Variants in CD38 observed in about 807,000 individuals in gnomAD.
The protein encoded by CD38 is CD38 molecule, also known as ADP-ribosyl cyclase/cyclic ADP-ribose hydrolase 1.
CD38 carries 31 observed loss-of-function variants against 36.3 expected under a neutral mutation model. That is an observed-to-expected ratio of 0.85 (90% CI 0.64 to 1.15). CD38 has a LOEUF of 1.15. Ranked by LOEUF, CD38 falls within the 50% of genes most tolerant of loss-of-function variation. The probability of loss-of-function intolerance (pLI) is 0.00; values close to 1 mark genes in which losing one functional copy is unlikely to be tolerated. For synonymous variants in CD38, 131 were observed against 135.2 expected (o/e 0.97, Z 0.22); for missense variants, 380 against 371.9 (o/e 1.02, Z -0.18).
At chr4:15,841,567 C>T (rs1223988075) in intron 7 of CD38, among the ~76,000 whole-genome samples, 1 of 151,820 alleles carries the variant, frequency 6.6e-6, no homozygotes, top group Admixed American at 6.6e-5. Context: ...CCAAGATGGC[C>T]GAATAGGAAC....
rs945265774 is a variant in CD38, at chr4:15,848,541, C to T, written c.842C>T (p.Pro281Leu). The T allele has an allele frequency of 3.1e-6, 5 of 1,611,374 alleles. No individual in the cohort carries two copies. The highest frequency in any genetic ancestry group is 3.4e-6 in the Non-Finnish European group (4 of 1,177,660). ...CCTTTTTTGCTTTCTTGTCATAGACCTGACAAGTTTCTTCAGTGTGTGAAA... is the reference window on the plus strand; with the variant it reads ...CCTTTTTTGCTTTCTTGTCATAGACTTGACAAGTTTCTTCAGTGTGTGAAA... ...IQFSCKNIYR[P>L]DKFLQCVKNP... Residue 281 changes from proline (P) to leucine (L), a missense_variant and splice_region_variant, in exon 8 of 8, where the codon CCT (proline) becomes CTT (leucine). By Grantham distance (98) the Pro-to-Leu change is moderately conservative (BLOSUM62 -3). Coordinates refer to ENST00000226279, the MANE Select transcript of CD38 (RefSeq NM_001775.4).
intron 3 of CD38, among the ~76,000 whole-genome samples, chr4:15,831,710 T>G (rs1289626926): frequency 1.3e-5 from 2 of 152,038 alleles, no homozygotes; most frequent in Non-Finnish European, 1.5e-5. Flanking sequence ...GCTTTTAGGA[T>G]CCTTTCTTTA....
chr4:15,828,824 G>T (rs1476640575), intron 3 of CD38, among the ~76,000 whole-genome samples: 4 of 152,116 alleles, frequency 2.6e-5, no homozygotes, highest in Non-Finnish European at 4.4e-5. Context: ...AATCTTTTGG[G>T]TAAATACCTA....
rs1277734983 is a variant in CD38, at chr4:15,802,047, C to A, written c.234-14464C>A. 9.2e-5 allele frequency among the ~76,000 whole-genome samples: 14 copies of A among 152,204 alleles called. No homozygotes were observed. The East Asian group carries it at 2.7e-3, about 29-fold the overall frequency. ...GACATCCTCTTACCTACAGAAAAATCTAAAGACTCCACCAAAAAACTCTTA... is the reference window on the plus strand; with the variant it reads ...GACATCCTCTTACCTACAGAAAAATATAAAGACTCCACCAAAAAACTCTTA... On this transcript the variant is annotated intron_variant, in intron 1 of 7. Coordinates refer to ENST00000226279, the MANE Select transcript of CD38 (RefSeq NM_001775.4).
At chr4:15,780,559 CACACACACAT>C (rs1722675440) in intron 1 of CD38, among the ~76,000 whole-genome samples, 1 of 151,112 alleles carries the variant, frequency 6.6e-6, no homozygotes, top group African/African-American at 2.4e-5. Flanking sequence ...CACACACACA[CACACACACAT>C]ACAGTCTTAC....
At chr4:15,779,226 C>A (rs1228896642) in intron 1 of CD38, among the ~76,000 whole-genome samples, 1 of 152,142 alleles carries the variant, frequency 6.6e-6, no homozygotes. Context: ...ATTCTTTTTG[C>A]GCGGCCTGAA....
chr4:15,779,293 A>G (rs1026125898), intron 1 of CD38, among the ~76,000 whole-genome samples: 2 of 152,216 alleles, frequency 1.3e-5, no homozygotes, highest in Admixed American at 6.5e-5. Flanking sequence ...AAACCGAGAC[A>G]TTACTTAGAT....
chr4:15,786,720 C>T (rs1577632594), intron 1 of CD38, among the ~76,000 whole-genome samples: 1 of 152,260 alleles, frequency 6.6e-6, no homozygotes, highest in Non-Finnish European at 1.5e-5. Flanking sequence ...TGCCAGTCAC[C>T]TGCTATGCAC....
chr4:15,796,859 A>C (rs985248784), intron 1 of CD38, among the ~76,000 whole-genome samples: 2 of 152,092 alleles, frequency 1.3e-5, no homozygotes, highest in African/African-American at 4.8e-5. Flanking sequence ...CAAATTTACT[A>C]TACTTTGGAC....
intron 3 of CD38, among the ~76,000 whole-genome samples, chr4:15,829,001 G>T (rs1051488467): frequency 1.3e-5 from 2 of 152,030 alleles, no homozygotes; most frequent in Admixed American, 1.3e-4. Flanking sequence ...TCATCTTTTT[G>T]ATTATACCCT....
At chr4:15,815,234 T>C (rs1723571652) in intron 1 of CD38, among the ~76,000 whole-genome samples, 1 of 152,238 alleles carries the variant, frequency 6.6e-6, no homozygotes, top group South Asian at 2.1e-4. Flanking sequence ...TGCTTAGGAT[T>C]GTCTTGGCTA....
intron 1 of CD38, among the ~76,000 whole-genome samples, chr4:15,804,347 T>A (rs1280500431): frequency 6.6e-6 from 1 of 152,226 alleles, no homozygotes; most frequent in Non-Finnish European, 1.5e-5. Context: ...AGTACAGCTA[T>A]TATGGAAAGC....
chr4:15,823,872 A>G (rs1051005480), intron 2 of CD38, among the ~76,000 whole-genome samples: 1 of 152,224 alleles, frequency 6.6e-6, no homozygotes, highest in Non-Finnish European at 1.5e-5. Context: ...TTGCAGTGCC[A>G]TTCACAATAG....
chr4:15,785,308 T>A (rs902744667), intron 1 of CD38, among the ~76,000 whole-genome samples: 8 of 152,140 alleles, frequency 5.3e-5, no homozygotes, highest in Admixed American at 5.2e-4. Flanking sequence ...AAGCAAAGGC[T>A]GTTTGGAAGC....
intron 1 of CD38, among the ~76,000 whole-genome samples, chr4:15,806,720 T>C (rs143537702): frequency 2.7e-4 from 41 of 152,272 alleles, no homozygotes; most frequent in South Asian, 2.1e-3. Flanking sequence ...CTGGGATCTA[T>C]TGGCAGGAGC....
intron 1 of CD38, among the ~76,000 whole-genome samples, chr4:15,806,497 C>T (rs978161382): frequency 2.0e-5 from 3 of 152,166 alleles, no homozygotes; most frequent in Non-Finnish European, 4.4e-5. Context: ...CGCCCATGGA[C>T]TAGTATGAGA....
chr4:15,840,446 C>T lies in CD38; in HGVS notation c.753-6C>T. The T allele has an allele frequency of 1.3e-6, 2 of 1,562,632 alleles. No homozygotes were observed. Among genetic ancestry groups the T allele is most frequent in the South Asian group, 1.1e-5 (1 of 87,312 alleles). On this transcript the variant is annotated splice_polypyrimidine_tract_variant and splice_region_variant and intron_variant, in intron 6 of 7. Coordinates refer to ENST00000226279, the MANE Select transcript of CD38 (RefSeq NM_001775.4). ...TAATTTTAATACTTTCTTCTTTCTT[C>T]CCCAGAGACTTATGCCAGGATCCCA...
At chr4:15,806,247 C>G (rs567904622) in intron 1 of CD38, among the ~76,000 whole-genome samples, 1 of 152,204 alleles carries the variant, frequency 6.6e-6, no homozygotes, top group Non-Finnish European at 1.5e-5. Flanking sequence ...GTGCCCTATT[C>G]TGGTCCTGAC....
intron 7 of CD38, among the ~76,000 whole-genome samples, chr4:15,841,833 A>C (rs1468214807): frequency 7.6e-6 from 1 of 131,980 alleles, no homozygotes; most frequent in Non-Finnish European, 1.6e-5. Context: ...CTCCCACCCG[A>C]ATATTGCGCT....
Sources: allele counts gnomAD v4.1 joint callset (sites outside exome capture counted in the v4.1 genomes callset), GRCh38; gene constraint gnomAD v4.1.1; transcripts MANE v1.5; gene names NCBI Gene and HGNC (gene_info 2026-07-23, HGNC 2026-07-21).